CFAP43: variants seen among roughly 807,000 people sequenced by gnomAD.
CFAP43 encodes cilia and flagella associated protein 43.
A neutral mutation model predicts 218.9 loss-of-function variants in CFAP43; 155 were observed. That is an observed-to-expected ratio of 0.71 (90% CI 0.62 to 0.81). The LOEUF (loss-of-function observed/expected upper bound fraction) is 0.81, where lower values mean the gene tolerates loss of function less well. Among genes scored for constraint, CFAP43 ranks in the 30% least tolerant of loss-of-function variants. The pLI is 0.00. For synonymous variants in CFAP43, 645 were observed against 681.3 expected, an observed-to-expected ratio of 0.95 and a Z score of 0.83; for missense variants, 1,778 against 1,954.3, an observed-to-expected ratio of 0.91 and a Z score of 1.70.
intron 34 of CFAP43, among the ~76,000 whole-genome samples, chr10:104,135,186 T>TA (rs1438076295): frequency 2.4e-5 from 2 of 84,220 alleles, no homozygotes; most frequent in Admixed American, 9.8e-5. Flanking sequence ...CTTCAATGAT[T>TA]AAAAAAAATA....
rs1425310141 is a variant in CFAP43 at position 104,138,135 on chromosome 10, A to G, written c.4431+2707T>C. Among the ~76,000 whole-genome samples, 8 of 152,300 alleles carry G rather than the reference A, an allele frequency of 5.3e-5. No individual in the cohort carries two copies. In the East Asian group the frequency reaches 1.2e-3, roughly 22 times the overall value. ...AGAAGCCTGACAAAACTCTACCTCA[A>G]TTCAGGTGGTCAAGATTCAATAAAC... On this transcript the variant is annotated intron_variant, in intron 34 of 37. Coordinates refer to ENST00000357060, the MANE Select transcript of CFAP43 (RefSeq NM_025145.7).
chr10:104,140,174 A>C (rs2087641268), intron 34 of CFAP43, among the ~76,000 whole-genome samples: 2 of 152,204 alleles, frequency 1.3e-5, no homozygotes, highest in South Asian at 4.1e-4. Context: ...AAATAACATT[A>C]AATGTTCATA....
At position 104,187,526 on chromosome 10, in the gene CFAP43, G is replaced by A. The variant is rs181344477; in HGVS notation, c.1688-34C>T. ...TTTGGAAAAAGAAGAGAAATCACTTGTACCATAAATTAATTTTGTTTTTTT... is the reference window on the plus strand; with the variant it reads ...TTTGGAAAAAGAAGAGAAATCACTTATACCATAAATTAATTTTGTTTTTTT... On this transcript the variant is annotated intron_variant, in intron 13 of 37. Coordinates refer to ENST00000357060, the MANE Select transcript of CFAP43 (RefSeq NM_025145.7). 4.1e-3 allele frequency: 6,093 copies of A among 1,469,366 alleles called. 16 individuals carry two copies. The highest frequency in any genetic ancestry group is 5.0e-3 in the Non-Finnish European group (5,500 of 1,108,326). The allele number at this position is 1,469,366 out of a possible 1,614,324, so 91.0% of individuals were successfully genotyped here.
intron 26 of CFAP43, 38 bp from the exon 27 acceptor site, chr10:104,161,200 C>T (rs762581261): frequency 1.8e-5 from 29 of 1,603,892 alleles, no homozygotes; most frequent in African/African-American, 4.1e-5. Flanking sequence ...TCAGCTCAAA[C>T]GTTAAATGCA....
intron 34 of CFAP43, among the ~76,000 whole-genome samples, chr10:104,136,151 T>G (rs553215944): frequency 8.8e-5 from 13 of 147,734 alleles, no homozygotes; most frequent in African/African-American, 3.2e-4. Context: ...CTCAGGAGGC[T>G]GAGGCAGGAG....
At chr10:104,136,511 C>T (rs1349304092) in intron 34 of CFAP43, among the ~76,000 whole-genome samples, 2 of 151,852 alleles carry the variant, frequency 1.3e-5, no homozygotes, top group Non-Finnish European at 2.9e-5. Context: ...GCTGGGATTA[C>T]AGGTGCCTGC....
intron 8 of CFAP43, among the ~76,000 whole-genome samples, chr10:104,202,435 G>T (rs1443530424): frequency 1.3e-5 from 2 of 152,086 alleles, no homozygotes; most frequent in Non-Finnish European, 2.9e-5. Context: ...AAGCAATTCT[G>T]GGAAATCCCC....
In CFAP43 at chr10:104,146,267, T is replaced by C. The variant is rs2087964177; in HGVS notation, c.3851A>G (p.Asp1284Gly). Residue 1284 changes from aspartate to glycine, a missense_variant, in exon 30 of 38, where the codon GAC (aspartate) becomes GGC (glycine). Coordinates refer to ENST00000357060, the MANE Select transcript of CFAP43 (RefSeq NM_025145.7). ...GGGTAAGACAACAACTCTCACTTTG[T>C]CTTCTGCCAGTAAGTTGTCATAGTG... ...KEHYDNLLAE[D>G]KVMDRSFKKE... The C allele has an allele frequency of 1.2e-6, 2 of 1,613,318 alleles. No individual in the cohort carries two copies. The highest frequency in any genetic ancestry group is 1.3e-5 in the African/African-American group (1 of 74,926).
chr10:104,130,036 T>A lies in CFAP43; in HGVS notation c.*103A>T. 1 of 1,352,778 alleles carries A rather than the reference T, an allele frequency of 7.4e-7. No individual in the cohort carries two copies. Among genetic ancestry groups the A allele is most frequent in the East Asian group, 2.5e-5 (1 of 39,686 alleles). 83.8% of individuals were successfully genotyped at this position (1,352,778 alleles called of 1,614,324 possible). A position where few individuals can be genotyped will look rare whatever the true frequency, so the allele number is the denominator to read the frequency against. On this transcript the variant is annotated 3_prime_UTR_variant, in exon 38 of 38. Transcript: ENST00000357060. Reference sequence around the variant, plus strand: ...TCTAAAACATGCAACTCAGAGGACATGCTACTTCAATTTCCCAGTAAGAAA... The same window carrying A: ...TCTAAAACATGCAACTCAGAGGACAAGCTACTTCAATTTCCCAGTAAGAAA...
intron 8 of CFAP43, among the ~76,000 whole-genome samples, chr10:104,198,487 G>T (rs1292322434): frequency 6.6e-6 from 1 of 152,018 alleles, no homozygotes; most frequent in South Asian, 2.1e-4. Flanking sequence ...CAACATGTTG[G>T]TCAGGCTGGT....
intron 20 of CFAP43, among the ~76,000 whole-genome samples, chr10:104,170,208 AT>A (rs112116416): frequency 4.0e-4 from 61 of 151,924 alleles, no homozygotes; most frequent in Middle Eastern, 3.4e-3. Flanking sequence ...AGAAAAAAAA[AT>A]AAACAATATG....
intron 24 of CFAP43, among the ~76,000 whole-genome samples, chr10:104,163,105 A>G (rs1589676042): frequency 6.6e-6 from 1 of 152,216 alleles, no homozygotes; most frequent in East Asian, 1.9e-4. Flanking sequence ...TTAAACAAGT[A>G]CAGCAGAGTG....
intron 29 of CFAP43, among the ~76,000 whole-genome samples, chr10:104,146,960 C>T (rs2088006550): frequency 3.3e-5 from 5 of 152,152 alleles, no homozygotes; most frequent in Admixed American, 3.3e-4. Flanking sequence ...GATGTTGCAT[C>T]TGAAGCCCTC....
chr10:104,229,229 C>T (rs2091381794), intron 2 of CFAP43, among the ~76,000 whole-genome samples: 1 of 152,088 alleles, frequency 6.6e-6, no homozygotes, highest in Admixed American at 6.5e-5. Flanking sequence ...CTTATTTGAC[C>T]CTTAAGACTA....
rs2087812226 is a variant in CFAP43 at position 104,143,650 on chromosome 10, C to G, written c.3945-11G>C. 1.2e-6 allele frequency: 2 copies of G among 1,612,804 alleles called. No homozygotes were observed. The highest frequency in any genetic ancestry group is 1.7e-5 in the Admixed American group (1 of 59,916). On this transcript the variant is annotated splice_polypyrimidine_tract_variant and intron_variant, in intron 31 of 37. Transcript: ENST00000357060. ...TTCTGTTTGGAAATCCTGGTATTAC[C>G]AAGAAAAGCCCATCAACATTTCACA...
chr10:104,136,861 G>T (rs1165361038), intron 34 of CFAP43, among the ~76,000 whole-genome samples: 3 of 152,158 alleles, frequency 2.0e-5, no homozygotes, highest in African/African-American at 7.2e-5. Context: ...ACAAGCATAT[G>T]AAAAGATGCT....
At chr10:104,215,239 T>TA (rs1183958236) in intron 3 of CFAP43, among the ~76,000 whole-genome samples, 1 of 152,176 alleles carries the variant, frequency 6.6e-6, no homozygotes, top group Non-Finnish European at 1.5e-5. Flanking sequence ...CCTGAACTCC[T>TA]ACCATGAACA....
In CFAP43 at chr10:104,147,883, ATTC is replaced by A; in HGVS notation, c.3768+5_3768+7del. Reference sequence around the variant, plus strand: ...TGCTTGTATTCAGATTTCAGACACTATTCTTACTTTCTCGTGCTGTTTCCTTGT... The same window carrying A: ...TGCTTGTATTCAGATTTCAGACACTATTACTTTCTCGTGCTGTTTCCTTGT... On this transcript the variant is annotated splice_donor_5th_base_variant and intron_variant, in intron 29 of 37. Transcript: ENST00000357060. 5 of 1,573,912 alleles carry A rather than the reference ATTC, an allele frequency of 3.2e-6. No homozygotes were observed. The highest frequency in any genetic ancestry group is 4.3e-6 in the Non-Finnish European group (5 of 1,158,864).
intron 3 of CFAP43, among the ~76,000 whole-genome samples, chr10:104,223,723 C>T (rs899160252): frequency 2.6e-5 from 4 of 152,126 alleles, no homozygotes; most frequent in African/African-American, 9.7e-5. Flanking sequence ...TTCTGTTATT[C>T]GAGACACTCA....
Sources: gnomAD v4.1 joint callset for allele counts (sites outside exome capture counted in the v4.1 genomes callset) on GRCh38, gnomAD v4.1.1 for gene constraint, MANE v1.5 for transcripts, NCBI Gene and HGNC (gene_info 2026-07-23, HGNC 2026-07-21) for gene names.